KLF12: variants seen among roughly 807,000 people sequenced by gnomAD.
KLF12 encodes Krueppel-like factor 12.
KLF12 carries 9 observed loss-of-function variants against 37.8 expected under a neutral mutation model. That is an observed-to-expected ratio of 0.24 (90% CI 0.14 to 0.42). The LOEUF (loss-of-function observed/expected upper bound fraction) is 0.42. Ranked by LOEUF, KLF12 falls within the 10% of genes least tolerant of loss-of-function variation. The pLI is 1.00. For synonymous variants in KLF12, 208 were observed against 202.1 expected (o/e 1.03, Z -0.25); for missense variants, 411 against 516.0 (o/e 0.80, Z 1.97).
intron 3 of KLF12, among the ~76,000 whole-genome samples, chr13:73,862,663 A>G (rs140903570): frequency 6.6e-6 from 1 of 152,298 alleles, no homozygotes; most frequent in African/African-American, 2.4e-5. Flanking sequence ...TTTCAACAAC[A>G]TATCTTAGCA....
chr13:73,763,245 A>G (rs1454116900), intron 6 of KLF12, among the ~76,000 whole-genome samples: 1 of 152,138 alleles, frequency 6.6e-6, no homozygotes, highest in Non-Finnish European at 1.5e-5. Context: ...TTAGAGCTTT[A>G]CCCACATTGT....
chr13:73,806,872 T>C (rs1406175956), intron 5 of KLF12, among the ~76,000 whole-genome samples: 1 of 152,122 alleles, frequency 6.6e-6, no homozygotes, highest in African/African-American at 2.4e-5. Flanking sequence ...TCTAGTGTGA[T>C]TTAAAAGACC....
At chr13:74,166,373 C>T in the KLF12 span, among the ~76,000 whole-genome samples, 8 of 152,102 alleles carry the variant, frequency 5.3e-5, no homozygotes, top group African/African-American at 1.4e-4. Context: ...ATTATAGGCA[C>T]GATCCACTGT....
At chr13:74,200,186 G>T in the KLF12 span, among the ~76,000 whole-genome samples, 1 of 105,988 alleles carries the variant, frequency 9.4e-6, no homozygotes, top group South Asian at 3.0e-4. Flanking sequence ...TTCTAAGCTT[G>T]CTCAGGGGGG....
the KLF12 span, among the ~76,000 whole-genome samples, chr13:74,195,129 GT>G: frequency 2.0e-5 from 3 of 152,118 alleles, no homozygotes; most frequent in Non-Finnish European, 4.4e-5. Flanking sequence ...CCAAGCTCCA[GT>G]TTTTTTATTG....
At position 74,020,362 on chromosome 13, in the gene KLF12, C is replaced by G. The variant is rs550165454; in HGVS notation, c.-31-25309G>C. On this transcript the variant is annotated intron_variant, in intron 1 of 7. Transcript: ENST00000377669. ...TACCCTAATCACTACAGGGCAAACC[C>G]TACAAAGATGGCAGCAACACATTAA... Among the ~76,000 whole-genome samples the G allele has an allele frequency of 1.6e-3, 251 of 152,248 alleles. 1 individual carries two copies. Among genetic ancestry groups the G allele is most frequent in the African/African-American group, 5.9e-3 (243 of 41,530 alleles).
At chr13:74,135,420 C>A (rs1878512129), upstream of KLF12, among the ~76,000 whole-genome samples, 1 of 151,958 alleles carries the variant, frequency 6.6e-6, no homozygotes, top group Non-Finnish European at 1.5e-5. Flanking sequence ...CTCTCCCCGG[C>A]AGCCCCTCCC....
chr13:74,028,567 T>C (rs187756863), intron 1 of KLF12, among the ~76,000 whole-genome samples: 11 of 152,054 alleles, frequency 7.2e-5, no homozygotes, highest in Non-Finnish European at 1.2e-4. Flanking sequence ...CCCTAATATT[T>C]TTAAACATTA....
At chr13:74,037,220 A>C (rs1164942528) in intron 1 of KLF12, among the ~76,000 whole-genome samples, 3 of 152,220 alleles carry the variant, frequency 2.0e-5, no homozygotes, top group African/African-American at 7.2e-5. Flanking sequence ...AAAAAAAAAA[A>C]AACTTTTCTT....
At chr13:73,950,065 C>T (rs1195271147) in intron 2 of KLF12, among the ~76,000 whole-genome samples, 1 of 152,202 alleles carries the variant, frequency 6.6e-6, no homozygotes, top group East Asian at 1.9e-4. Flanking sequence ...CAGTATCTCT[C>T]CTAAAGACTG....
At chr13:74,074,382 A>AAAACCTGC (rs1874446736) in intron 1 of KLF12, among the ~76,000 whole-genome samples, 2 of 152,316 alleles carry the variant, frequency 1.3e-5, no homozygotes, top group South Asian at 4.1e-4. Flanking sequence ...ACAGGGTTCT[A>AAAACCTGC]AAACCTGCAG....
chr13:73,783,476 T>C (rs996306384), intron 5 of KLF12, among the ~76,000 whole-genome samples: 1 of 152,124 alleles, frequency 6.6e-6, no homozygotes, highest in South Asian at 2.1e-4. Context: ...AAACAAAAGA[T>C]TTAGAATGTT....
intron 1 of KLF12, among the ~76,000 whole-genome samples, chr13:74,101,974 C>T (rs770855124): frequency 4.1e-4 from 62 of 151,896 alleles, no homozygotes; most frequent in Admixed American, 1.4e-3. Flanking sequence ...AATCCCAGCA[C>T]TTTGGGAGGC....
At chr13:73,858,254 T>C (rs1885711449) in intron 3 of KLF12, among the ~76,000 whole-genome samples, 1 of 152,186 alleles carries the variant, frequency 6.6e-6, no homozygotes, top group Non-Finnish European at 1.5e-5. Context: ...AATAATGTCA[T>C]TAGAAGAAAA....
chr13:74,215,676 T>C, the KLF12 span, among the ~76,000 whole-genome samples: 1 of 152,186 alleles, frequency 6.6e-6, no homozygotes, highest in African/African-American at 2.4e-5. Flanking sequence ...ACCCTCTTCA[T>C]GTCAGTACCT....
chr13:73,956,433 G>A (rs773460911), intron 2 of KLF12, among the ~76,000 whole-genome samples: 1 of 152,124 alleles, frequency 6.6e-6, no homozygotes, highest in Non-Finnish European at 1.5e-5. Context: ...TTTCTTGTCC[G>A]GGCTGTCCTG....
chr13:74,284,927 A>G, the KLF12 span, among the ~76,000 whole-genome samples: 7 of 152,172 alleles, frequency 4.6e-5, no homozygotes, highest in Non-Finnish European at 7.3e-5. Context: ...CCCACCCATT[A>G]TAAGTAGGGC....
chr13:74,075,592 T>C (rs1874516710), intron 1 of KLF12, among the ~76,000 whole-genome samples: 1 of 152,244 alleles, frequency 6.6e-6, no homozygotes, highest in Non-Finnish European at 1.5e-5. Flanking sequence ...CAATGCTATG[T>C]AAAGTTTTCT....
At chr13:74,145,576 T>C in the KLF12 span, among the ~76,000 whole-genome samples, 1 of 152,218 alleles carries the variant, frequency 6.6e-6, no homozygotes, top group Non-Finnish European at 1.5e-5. Context: ...TGTCTGTTCA[T>C]GCACATCTAC....
Sources: allele counts gnomAD v4.1 joint callset (sites outside exome capture counted in the v4.1 genomes callset), GRCh38; gene constraint gnomAD v4.1.1; transcripts MANE v1.5; gene names NCBI Gene and HGNC (gene_info 2026-07-23, HGNC 2026-07-21).